The following CREBRF variants were observed in gnomAD, a reference collection of about 807,000 sequenced individuals.
CREBRF encodes CREB3 regulatory factor.
A neutral mutation model predicts 66.1 loss-of-function variants in CREBRF; 5 were observed. That is an observed-to-expected ratio of 0.08 (90% CI 0.04 to 0.16). The LOEUF is 0.16. Among genes scored for constraint, CREBRF ranks in the 10% least tolerant of loss-of-function variants. The pLI, the probability that CREBRF is intolerant of heterozygous loss-of-function variation, is 1.00. For synonymous variants in CREBRF, 229 were observed against 264.4 expected, an observed-to-expected ratio of 0.87 and a Z score of 1.30; for missense variants, 531 against 744.9, an observed-to-expected ratio of 0.71 and a Z score of 3.34.
At chr5:173,117,772 G>A (rs1400060827) in intron 7 of CREBRF, among the ~76,000 whole-genome samples, 2 of 149,156 alleles carry the variant, frequency 1.3e-5, no homozygotes, top group African/African-American at 5.0e-5. Context: ...GTCCAGTGGT[G>A]CGATCTCAGC....
At chr5:173,059,796 T>C (rs566874726) in intron 1 of CREBRF, among the ~76,000 whole-genome samples, 38 of 152,346 alleles carry the variant, frequency 2.5e-4, no homozygotes, top group African/African-American at 8.2e-4. Context: ...ATAGAACTTA[T>C]TTGGGTATAA....
At chr5:173,120,453 C>T (rs1445752107) in intron 7 of CREBRF, among the ~76,000 whole-genome samples, 1 of 151,296 alleles carries the variant, frequency 6.6e-6, no homozygotes, top group Non-Finnish European at 1.5e-5. Flanking sequence ...GATCTCAGCT[C>T]ACTGCAACCT....
intron 1 of CREBRF, among the ~76,000 whole-genome samples, chr5:173,071,856 A>C (rs1757608453): frequency 6.6e-6 from 1 of 151,594 alleles, no homozygotes; most frequent in East Asian, 2.0e-4. Flanking sequence ...GGAGTTCGAG[A>C]CCAGCCTGGG....
chr5:173,074,703 A>G (rs1757708170), intron 1 of CREBRF, among the ~76,000 whole-genome samples: 1 of 151,758 alleles, frequency 6.6e-6, no homozygotes, highest in Non-Finnish European at 1.5e-5. Context: ...GCTCACTGCA[A>G]CCTCCACCTC....
chr5:173,115,108 CTT>C (rs751890606), intron 7 of CREBRF, among the ~76,000 whole-genome samples: 27 of 140,226 alleles, frequency 1.9e-4, no homozygotes, highest in Admixed American at 2.2e-4. Flanking sequence ...TTTTCTTTTT[CTT>C]TTTTTTTTTT....
At chr5:173,093,717 A>G (rs1013004555) in intron 4 of CREBRF, among the ~76,000 whole-genome samples, 8 of 152,122 alleles carry the variant, frequency 5.3e-5, no homozygotes, top group Non-Finnish European at 1.0e-4. Context: ...GGGTTTTGCC[A>G]TGTTGCCCAG....
At chr5:173,118,729 CTT>C (rs765280974) in intron 7 of CREBRF, among the ~76,000 whole-genome samples, 15 of 137,110 alleles carry the variant, frequency 1.1e-4, no homozygotes, top group Admixed American at 1.5e-4. Context: ...GGATACAAAA[CTT>C]TTTTTTTTTT....
intron 1 of CREBRF, 29 bp downstream of exon 1, chr5:173,056,508 C>T: frequency 2.5e-6 from 1 of 398,382 alleles, no homozygotes; most frequent in Non-Finnish European, 4.4e-6. Flanking sequence ...TGCTCGGAAC[C>T]CCCAGGGGCC....
Position 173,123,096 on chromosome 5 carries a change from A to G in CREBRF, c.1698A>G (p.Val566=). 1 of 1,598,764 alleles carries G rather than the reference A, an allele frequency of 6.3e-7. No homozygotes were observed. Among genetic ancestry groups the G allele is most frequent in the African/African-American group, 1.4e-5 (1 of 73,806 alleles). ...LNTEYDNLLF[V]INSIKQEIVN... ...GTCTTACAGATAATTTATTGTTTGT[A>G]ATCAACTCCATCAAGCAAGAGATTG... Residue 566 remains valine, a synonymous_variant, in exon 8 of 9, where the codon GTA becomes GTG. Transcript: ENST00000296953.
intron 4 of CREBRF, among the ~76,000 whole-genome samples, chr5:173,105,881 G>A (rs1446031094): frequency 1.3e-5 from 2 of 151,814 alleles, no homozygotes; most frequent in African/African-American, 2.4e-5. Context: ...GCCTCCCAAA[G>A]TGCTGGGATT....
intron 4 of CREBRF, chr5:173,092,335 ACT>A (rs1257225260): frequency 5.1e-6 from 5 of 983,828 alleles, no homozygotes; most frequent in East Asian, 2.3e-4. Context: ...CATGAAGGAG[ACT>A]CTGCTTTATT....
At chr5:173,104,868 GGTAATAAAACT>G (rs889478882) in intron 4 of CREBRF, among the ~76,000 whole-genome samples, 2 of 152,108 alleles carry the variant, frequency 1.3e-5, no homozygotes, top group African/African-American at 2.4e-5. Context: ...GATGCCTATA[GGTAATAAAACT>G]GTAATTTGGG....
chr5:173,068,387 A>G (rs1283879606), intron 1 of CREBRF, among the ~76,000 whole-genome samples: 1 of 152,212 alleles, frequency 6.6e-6, no homozygotes, highest in Non-Finnish European at 1.5e-5. Flanking sequence ...ATTAGAAACT[A>G]TGCAAGGTGT....
chr5:173,079,669 G>A (rs548690231), intron 1 of CREBRF, among the ~76,000 whole-genome samples: 1 of 152,122 alleles, frequency 6.6e-6, no homozygotes, highest in African/African-American at 2.4e-5. Context: ...CCTGGAGGGC[G>A]TATTAAAAAA....
Position 173,130,683 on chromosome 5 carries a change from C to T in CREBRF, c.1805-2947C>T, listed in dbSNP as rs1373835900. On this transcript the variant is annotated intron_variant, in intron 8 of 8. Transcript: ENST00000296953. ...GGACTACAGATGTGCGCCACCATGT[C>T]CAGCTAATTTATTTATTTTTATTTT... Among the ~76,000 whole-genome samples the T allele has an allele frequency of 5.3e-5, 8 of 151,990 alleles. No individual in the cohort carries two copies. In the South Asian group the frequency reaches 1.7e-3, roughly 32 times the overall value.
chr5:173,076,882 C>T (rs1292614764), intron 1 of CREBRF, among the ~76,000 whole-genome samples: 2 of 150,508 alleles, frequency 1.3e-5, no homozygotes, highest in Non-Finnish European at 2.9e-5. Flanking sequence ...CATGAACCAG[C>T]AAAGATTAGG....
chr5:173,110,408 A>G, intron 5 of CREBRF, 114 bp from the exon 6 acceptor site: 2 of 791,402 alleles, frequency 2.5e-6, no homozygotes, highest in Non-Finnish European at 4.5e-6. Flanking sequence ...AAACATGCCA[A>G]GACTTCTGAA....
chr5:173,118,139 GC>G (rs1208974375), intron 7 of CREBRF, among the ~76,000 whole-genome samples: 8 of 152,204 alleles, frequency 5.3e-5, no homozygotes, highest in Non-Finnish European at 7.4e-5. Context: ...CTCCCAAAGT[GC>G]TGGGATTACA....
At chr5:173,058,478 CA>C (rs1005058372) in intron 1 of CREBRF, among the ~76,000 whole-genome samples, 65 of 150,890 alleles carry the variant, frequency 4.3e-4, no homozygotes, top group African/African-American at 1.5e-3. Flanking sequence ...ACTGATTCAT[CA>C]ATTTTTTTTT....
Sources: gnomAD v4.1 joint callset for allele counts (sites outside exome capture counted in the v4.1 genomes callset) on GRCh38, gnomAD v4.1.1 for gene constraint, MANE v1.5 for transcripts, NCBI Gene and HGNC (gene_info 2026-07-23, HGNC 2026-07-21) for gene names.